NCAM2: variants seen among roughly 807,000 people sequenced by gnomAD.
NCAM2 encodes neural cell adhesion molecule 2.
Under a neutral mutation model 98.1 loss-of-function variants are expected in NCAM2, and 30 were observed. That is an observed-to-expected ratio of 0.31 (90% CI 0.23 to 0.41). The LOEUF is 0.41. Ranked by LOEUF, NCAM2 falls within the 10% of genes least tolerant of loss-of-function variation. The probability of loss-of-function intolerance (pLI) is 1.00; values close to 1 mark genes in which losing one functional copy is unlikely to be tolerated. For missense variants in NCAM2, 867 were observed against 1,005.8 expected (o/e 0.86, Z 1.87); for synonymous variants, 368 against 342.4 (o/e 1.07, Z -0.83).
At chr21:21,143,917 C>T (rs2067221274) in intron 1 of NCAM2, among the ~76,000 whole-genome samples, 1 of 150,738 alleles carries the variant, frequency 6.6e-6, no homozygotes, top group Admixed American at 6.6e-5. Context: ...ATTGGCATTG[C>T]TGTCAATCCT....
intron 1 of NCAM2, among the ~76,000 whole-genome samples, chr21:21,214,773 A>G (rs1424609709): frequency 1.6e-5 from 2 of 125,138 alleles, no homozygotes; most frequent in African/African-American, 5.8e-5. Flanking sequence ...TATATGTAAT[A>G]TATATATACA....
At chr21:21,453,120 A>G (rs1240866345) in intron 12 of NCAM2, among the ~76,000 whole-genome samples, 3 of 135,328 alleles carry the variant, frequency 2.2e-5, no homozygotes, top group African/African-American at 8.2e-5. Flanking sequence ...TATATATAAT[A>G]ACAAAATATA....
At chr21:21,535,699 T>C (rs1379139005) in intron 17 of NCAM2, among the ~76,000 whole-genome samples, 1 of 152,142 alleles carries the variant, frequency 6.6e-6, no homozygotes, top group African/African-American at 2.4e-5. Flanking sequence ...ATGTGGGTTC[T>C]ACATTCTTCA....
intron 1 of NCAM2, among the ~76,000 whole-genome samples, chr21:21,146,492 A>G (rs1056649610): frequency 6.7e-6 from 1 of 149,794 alleles, no homozygotes; most frequent in Non-Finnish European, 1.5e-5. Flanking sequence ...TATACTCAAT[A>G]GAATATATAT....
chr21:21,036,198 C>A (rs1046373422), intron 1 of NCAM2, among the ~76,000 whole-genome samples: 2 of 152,186 alleles, frequency 1.3e-5, no homozygotes, highest in African/African-American at 4.8e-5. Flanking sequence ...TCCCCACTCA[C>A]TGTGAAATAA....
In NCAM2 at chr21:21,299,130, T is replaced by G. The variant is rs555655250; in HGVS notation, c.619+6889T>G. On this transcript the variant is annotated intron_variant, in intron 5 of 17. Transcript: ENST00000400546. ...GTCACCATCAAGATGCCATCTGACA[T>G]TGTGGAGATGAATGGCATTCAGGAA... 8.6e-5 allele frequency among the ~76,000 whole-genome samples: 13 copies of G among 151,848 alleles called. No individual in the cohort carries two copies. The East Asian group carries it at 2.5e-3, about 30-fold the overall frequency.
At chr21:21,498,969 CAGTA>C (rs1987440058) in intron 15 of NCAM2, among the ~76,000 whole-genome samples, 2 of 152,016 alleles carry the variant, frequency 1.3e-5, no homozygotes, top group Admixed American at 1.3e-4. Flanking sequence ...ATATGAGTGA[CAGTA>C]AGAGCATTAG....
At chr21:21,277,762 T>C (rs913222575) in intron 1 of NCAM2, among the ~76,000 whole-genome samples, 4 of 152,072 alleles carry the variant, frequency 2.6e-5, no homozygotes, top group African/African-American at 7.2e-5. Flanking sequence ...TAGAAATATA[T>C]GCATGCAGTA....
intron 1 of NCAM2, among the ~76,000 whole-genome samples, chr21:21,014,423 C>CA (rs71193391): frequency 0.12 from 12,209 of 100,574 alleles, 708 homozygotes; most frequent in African/African-American, 0.21. Context: ...GACTCCATCT[C>CA]AAAAAAAAAA....
At chr21:21,009,030 G>A (rs1213866272) in intron 1 of NCAM2, among the ~76,000 whole-genome samples, 1 of 152,104 alleles carries the variant, frequency 6.6e-6, no homozygotes, top group African/African-American at 2.4e-5. Context: ...CTCCATGGGA[G>A]CAAGAATGCC....
intron 1 of NCAM2, among the ~76,000 whole-genome samples, chr21:21,128,733 A>G (rs938583204): frequency 6.6e-6 from 1 of 152,196 alleles, no homozygotes; most frequent in African/African-American, 2.4e-5. Flanking sequence ...ATGAGTTGAA[A>G]AGCATATGTG....
chr21:21,190,264 A>T lies in NCAM2; in HGVS notation c.56-90314A>T, dbSNP rs1422063750. On this transcript the variant is annotated intron_variant, in intron 1 of 17. Transcript: ENST00000400546. Reference sequence around the variant, plus strand: ...TGCAAGTAAGGAAACATTTCCAAAAACCTACAGAATGTGTGCTCTGAACAA... The same window carrying T: ...TGCAAGTAAGGAAACATTTCCAAAATCCTACAGAATGTGTGCTCTGAACAA... 6.6e-5 allele frequency among the ~76,000 whole-genome samples: 10 copies of T among 152,272 alleles called. No individual in the cohort carries two copies. The East Asian group carries it at 1.9e-3, about 29-fold the overall frequency.
chr21:21,202,110 G>A (rs952435149), intron 1 of NCAM2, among the ~76,000 whole-genome samples: 1 of 152,124 alleles, frequency 6.6e-6, no homozygotes, highest in Non-Finnish European at 1.5e-5. Context: ...TGGTTTTAGA[G>A]AGTCGTGAGG....
chr21:21,083,911 T>C (rs1197555117), intron 1 of NCAM2, among the ~76,000 whole-genome samples: 1 of 152,184 alleles, frequency 6.6e-6, no homozygotes, highest in Non-Finnish European at 1.5e-5. Context: ...ACCCCAACTT[T>C]ACTTGTATTC....
At chr21:21,218,857 A>G (rs913122793) in intron 1 of NCAM2, among the ~76,000 whole-genome samples, 1 of 152,232 alleles carries the variant, frequency 6.6e-6, no homozygotes, top group Admixed American at 6.5e-5. Context: ...TAGCCTGGCC[A>G]ACATGGTGAA....
chr21:21,006,676 A>G (rs566112432), intron 1 of NCAM2, among the ~76,000 whole-genome samples: 14 of 152,306 alleles, frequency 9.2e-5, no homozygotes, highest in African/African-American at 2.9e-4. Flanking sequence ...CTTTAGTACA[A>G]GTATTCATGT....
chr21:21,332,060 G>A (rs9977864), intron 6 of NCAM2, among the ~76,000 whole-genome samples: 85,836 of 151,312 alleles, frequency 0.57, 24,550 homozygotes, highest in Admixed American at 0.65. Context: ...CCACCACCAC[G>A]CCCAGCTAAT....
intron 12 of NCAM2, among the ~76,000 whole-genome samples, chr21:21,460,583 G>A (rs575617356): frequency 4.3e-4 from 66 of 152,010 alleles, no homozygotes; most frequent in African/African-American, 1.3e-3. Flanking sequence ...CTCTCATTGG[G>A]TCAGTTTTCT....
At chr21:21,328,673 C>T (rs886548886) in intron 6 of NCAM2, among the ~76,000 whole-genome samples, 1 of 151,238 alleles carries the variant, frequency 6.6e-6, no homozygotes, top group Non-Finnish European at 1.5e-5. Context: ...TACAGCTATA[C>T]AATGTGTTTG....
Sources: gnomAD v4.1 joint callset for allele counts (sites outside exome capture counted in the v4.1 genomes callset) on GRCh38, gnomAD v4.1.1 for gene constraint, MANE v1.5 for transcripts, NCBI Gene and HGNC (gene_info 2026-07-23, HGNC 2026-07-21) for gene names.